Variants in ABHD10 observed in about 807,000 individuals in gnomAD.
ABHD10 encodes the protein palmitoyl-protein thioesterase ABHD10, mitochondrial.
ABHD10 carries 22 observed loss-of-function variants against 33.1 expected under a neutral mutation model. That is an observed-to-expected ratio of 0.66 (90% CI 0.47 to 0.95). The LOEUF (loss-of-function observed/expected upper bound fraction) is 0.95. Ranked by LOEUF, ABHD10 falls within the 40% of genes least tolerant of loss-of-function variation. The pLI, the probability that ABHD10 is intolerant of heterozygous loss-of-function variation, is 0.00. For synonymous variants in ABHD10, 146 were observed against 133.9 expected (o/e 1.09, Z -0.62); for missense variants, 352 against 379.9 (o/e 0.93, Z 0.61).
At chr3:111,984,106 G>A (rs751532372) in intron 2 of ABHD10, among the ~76,000 whole-genome samples, 2 of 152,060 alleles carry the variant, frequency 1.3e-5, no homozygotes, top group Non-Finnish European at 2.9e-5. Flanking sequence ...ATATCCAATT[G>A]CCACCTATGA....
chr3:111,980,020 C>T (rs1209190432), intron 1 of ABHD10, among the ~76,000 whole-genome samples: 2 of 152,312 alleles, frequency 1.3e-5, no homozygotes, highest in African/African-American at 2.4e-5. Context: ...ATTCATTAAC[C>T]AGAGTATAAT....
At position 111,979,066 on chromosome 3, in the gene ABHD10, C is replaced by T; in HGVS notation, c.5C>T (p.Ala2Val). The T allele has an allele frequency of 1.2e-6, 2 of 1,612,442 alleles. No individual in the cohort carries two copies. Among genetic ancestry groups the T allele is most frequent in the Non-Finnish European group, 1.7e-6 (2 of 1,179,214 alleles). ...GGTGCGGGGACAACTACGAAGATGG[C>T]GGTTGCGCGCTTGGCAGCTGTGGCG... Reference protein sequence around the residue: MAVARLAAVAAW... With the variant: MVVARLAAVAAW... The change falls in exon 1 of 5, where the codon GCG (alanine) becomes GTG (valine). Residue 2 changes from alanine (A) to valine (V), a missense_variant. Transcript: ENST00000273359.
At chr3:111,984,750 C>G (rs1198179238) in intron 2 of ABHD10, among the ~76,000 whole-genome samples, 2 of 152,118 alleles carry the variant, frequency 1.3e-5, no homozygotes, top group Non-Finnish European at 2.9e-5. Flanking sequence ...TATAGTGACT[C>G]TATTTAAAGA....
At chr3:111,986,241 A>G (rs1186535157) in intron 2 of ABHD10, 23 bp from the exon 3 acceptor site, 1 of 1,360,898 alleles carries the variant, frequency 7.3e-7, no homozygotes, top group Non-Finnish European at 1.0e-6. Flanking sequence ...ATTTAGATAT[A>G]GATTTTTTTC....
chr3:111,989,656 A>G (rs2072717423), intron 4 of ABHD10, among the ~76,000 whole-genome samples: 1 of 152,242 alleles, frequency 6.6e-6, no homozygotes, highest in Admixed American at 6.5e-5. Context: ...GCTTGAGGAT[A>G]GCTAAATGTC....
intron 1 of ABHD10, 44 bp downstream of exon 1, chr3:111,979,247 C>T (rs976136671): frequency 6.4e-7 from 1 of 1,556,330 alleles, no homozygotes; most frequent in African/African-American, 1.4e-5. Flanking sequence ...CTTTCGAACG[C>T]CTCGGGTTCC....
chr3:111,980,165 A>T (rs1311569088), intron 1 of ABHD10, among the ~76,000 whole-genome samples: 1 of 152,236 alleles, frequency 6.6e-6, no homozygotes, highest in African/African-American at 2.4e-5. Context: ...AATAAATTAT[A>T]ATCATCTCGG....
At chr3:111,979,767 A>G (rs915362154) in intron 1 of ABHD10, among the ~76,000 whole-genome samples, 1 of 151,348 alleles carries the variant, frequency 6.6e-6, no homozygotes, top group Non-Finnish European at 1.5e-5. Flanking sequence ...ATATGTATAT[A>G]TAGTCTTTGA....
Position 111,991,912 on chromosome 3 carries a change from T to G in ABHD10, c.*191T>G. ...AAGGACCAGCTGCTGTTTAGAAAAT[T>G]TTCTCCTTCCTTCTGTCCTTGATTT... On this transcript the variant is annotated 3_prime_UTR_variant, in exon 5 of 5. Transcript: ENST00000273359. The G allele has an allele frequency of 2.0e-6, 1 of 495,360 alleles. No homozygotes were observed. The highest frequency in any genetic ancestry group is 3.4e-6 in the Non-Finnish European group (1 of 290,580). 30.7% of individuals were successfully genotyped at this position (495,360 alleles called of 1,614,324 possible). A position where few individuals can be genotyped will look rare whatever the true frequency, so the allele number is the denominator to read the frequency against.
At chr3:111,980,697 T>TA (rs892369997) in intron 1 of ABHD10, among the ~76,000 whole-genome samples, 35 of 152,218 alleles carry the variant, frequency 2.3e-4, no homozygotes, top group African/African-American at 4.1e-4. Flanking sequence ...GTACTTAAAT[T>TA]ACACTAAAAT....
chr3:111,988,375 T>G (rs1384897330), intron 4 of ABHD10, among the ~76,000 whole-genome samples: 1 of 152,168 alleles, frequency 6.6e-6, no homozygotes, highest in Non-Finnish European at 1.5e-5. Flanking sequence ...ACATAGTTGC[T>G]CAATGTCTTC....
Position 111,991,418 on chromosome 3 carries a change from A to G in ABHD10, c.618A>G (p.Pro206=), listed in dbSNP as rs539744423. Reference sequence around the variant, plus strand: ...AGATGAAAGGTGTGTGGAGCATGCCATCAAAATACTCTGAAGAAGGAGTTT... The same window carrying G: ...AGATGAAAGGTGTGTGGAGCATGCCGTCAAAATACTCTGAAGAAGGAGTTT... ...EVEMKGVWSM[P]SKYSEEGVYN... Residue 206 remains proline, a synonymous_variant, in exon 5 of 5, where the codon CCA becomes CCG. Coordinates refer to ENST00000273359, the MANE Select transcript of ABHD10 (RefSeq NM_018394.4). 1.2e-6 allele frequency: 2 copies of G among 1,613,354 alleles called. No homozygotes were observed. The highest frequency in any genetic ancestry group is 2.7e-5 in the African/African-American group (2 of 74,998).
chr3:111,982,535 C>T (rs1187002405), intron 2 of ABHD10, among the ~76,000 whole-genome samples: 106 of 152,172 alleles, frequency 7.0e-4, no homozygotes, highest in African/African-American at 2.4e-3. Flanking sequence ...CTACCTGTAG[C>T]AGTTATATGT....
intron 4 of ABHD10, among the ~76,000 whole-genome samples, chr3:111,988,992 T>G (rs774750): frequency 0.019 from 2,881 of 152,272 alleles, 81 homozygotes; most frequent in African/African-American, 0.065. Context: ...TCAAGGCATT[T>G]TTTGCTAATA....
chr3:111,985,107 A>G (rs1045808052), intron 2 of ABHD10, among the ~76,000 whole-genome samples: 5 of 152,180 alleles, frequency 3.3e-5, no homozygotes, highest in African/African-American at 1.2e-4. Flanking sequence ...TCCTCAGAGG[A>G]GGTGACATGA....
intron 1 of ABHD10, among the ~76,000 whole-genome samples, chr3:111,981,176 T>TG (rs1163726487): frequency 6.6e-6 from 1 of 151,726 alleles, no homozygotes; most frequent in South Asian, 2.1e-4. Flanking sequence ...TGGTGGTACA[T>TG]GCGTGTAGTG....
chr3:111,987,395 T>C (rs1303007253), intron 4 of ABHD10, among the ~76,000 whole-genome samples: 1 of 152,192 alleles, frequency 6.6e-6, no homozygotes, highest in African/African-American at 2.4e-5. Flanking sequence ...CTCCTTTTGG[T>C]CCTCTTACTT....
At chr3:111,989,791 T>C (rs2072719316) in intron 4 of ABHD10, among the ~76,000 whole-genome samples, 1 of 149,428 alleles carries the variant, frequency 6.7e-6, no homozygotes, top group Admixed American at 6.7e-5. Flanking sequence ...TTTGGAGACA[T>C]ATTTAGAAGT....
chr3:111,981,944 A>G lies in ABHD10; in HGVS notation c.303A>G (p.Lys101=). The G allele has an allele frequency of 6.4e-7, 1 of 1,572,028 alleles. No individual in the cohort carries two copies. The highest frequency in any genetic ancestry group is 1.2e-5 in the South Asian group (1 of 85,632). Residue 101 remains lysine, a synonymous_variant, in exon 2 of 5, where the codon AAA becomes AAG. Coordinates refer to ENST00000273359, the MANE Select transcript of ABHD10 (RefSeq NM_018394.4). ...CGTTGGCGATTGAGGAGTTTTGCAAATCTCTAGGTCACGCCTGCATAAGGT... is the reference window on the plus strand; with the variant it reads ...CGTTGGCGATTGAGGAGTTTTGCAAGTCTCTAGGTCACGCCTGCATAAGGT... ...TKALAIEEFC[K]SLGHACIRFD...
Sources: gnomAD v4.1 joint callset for allele counts (sites outside exome capture counted in the v4.1 genomes callset) on GRCh38, gnomAD v4.1.1 for gene constraint, MANE v1.5 for transcripts, NCBI Gene and HGNC (gene_info 2026-07-23, HGNC 2026-07-21) for gene names.